The following SLC26A8 variants were observed in gnomAD, a reference collection of about 807,000 sequenced individuals.
SLC26A8 encodes the protein solute carrier family 26 member 8.
In SLC26A8, 70 loss-of-function variants were observed where a neutral mutation model predicts 105.0. The ratio of observed to expected loss-of-function variants is 0.67; its 90% CI spans 0.55 to 0.81. The LOEUF (loss-of-function observed/expected upper bound fraction) is 0.81. Among genes scored for constraint, SLC26A8 ranks in the 40% least tolerant of loss-of-function variants. The probability of loss-of-function intolerance (pLI) is 0.00; values close to 1 mark genes in which losing one functional copy is unlikely to be tolerated. For missense variants in SLC26A8, 998 were observed against 1,181.8 expected (o/e 0.84, Z 2.28); for synonymous variants, 415 against 438.3 (o/e 0.95, Z 0.66).
chr6:36,011,061 G>T (rs146463969), intron 3 of SLC26A8, among the ~76,000 whole-genome samples: 1 of 152,228 alleles, frequency 6.6e-6, no homozygotes, highest in Non-Finnish European at 1.5e-5. Context: ...CTTCAACCCT[G>T]CCTGTTGAGC....
chr6:36,012,395 C>T (rs1482318361), intron 2 of SLC26A8, 23 bp from the exon 3 acceptor site: 3 of 1,549,550 alleles, frequency 1.9e-6, no homozygotes, highest in African/African-American at 2.8e-5. Context: ...GGAGCAGAGA[C>T]TTGGTTAGTT....
Position 35,959,770 on chromosome 6 carries a change from A to G in SLC26A8, c.1675T>C (p.Cys559Arg). ...ACATTTACAAATGTAATTGAGCTGC[A>G]GCACTGGAAGATTTTCACCCCAGGA... ...TIPGVKIFQC[C>R]SSITFVNVYY... Residue 559 changes from cysteine (C) to arginine (R), a missense_variant, in exon 15 of 20, where the codon TGC (cysteine) becomes CGC (arginine). By Grantham distance (180) the Cys-to-Arg change is radical. Coordinates refer to ENST00000490799, the MANE Select transcript of SLC26A8 (RefSeq NM_052961.4). The G allele has an allele frequency of 6.2e-7, 1 of 1,609,434 alleles. No individual in the cohort carries two copies. The highest frequency in any genetic ancestry group is 8.5e-7 in the Non-Finnish European group (1 of 1,179,044).
intron 11 of SLC26A8, among the ~76,000 whole-genome samples, chr6:35,964,966 CAA>C (rs34171959): frequency 1.3e-4 from 16 of 122,836 alleles, no homozygotes; most frequent in Admixed American, 2.6e-4. Flanking sequence ...GACCATGTCT[CAA>C]AAAAAAAAAA....
intron 17 of SLC26A8, among the ~76,000 whole-genome samples, chr6:35,954,336 A>G (rs140965841): frequency 6.6e-6 from 1 of 152,310 alleles, no homozygotes; most frequent in Non-Finnish European, 1.5e-5. Context: ...CAGGTACTGG[A>G]CAGCCAGCCC....
At chr6:35,982,228 A>G in intron 7 of SLC26A8, 25 bp from the exon 8 acceptor site, 2 of 1,555,092 alleles carry the variant, frequency 1.3e-6, no homozygotes, top group Non-Finnish European at 1.8e-6. Context: ...AAAAGAAGGG[A>G]TGGGGGCATA....
intron 19 of SLC26A8, among the ~76,000 whole-genome samples, chr6:35,948,734 T>C (rs1272417253): frequency 6.6e-6 from 1 of 152,242 alleles, no homozygotes; most frequent in Non-Finnish European, 1.5e-5. Flanking sequence ...AAAGAAGGCT[T>C]ATTCAATAGA....
intron 11 of SLC26A8, among the ~76,000 whole-genome samples, chr6:35,966,001 CA>C (rs67198897): frequency 0.41 from 38,945 of 95,678 alleles, 4,784 homozygotes; most frequent in Middle Eastern, 0.46. Flanking sequence ...ACTCTCATCT[CA>C]AAAAAAAAAA....
intron 14 of SLC26A8, 33 bp from the exon 15 acceptor site, chr6:35,959,839 T>G: frequency 6.9e-7 from 1 of 1,441,144 alleles, no homozygotes; most frequent in Non-Finnish European, 9.7e-7. Context: ...GAGGGAAATT[T>G]CTCAGTTATT....
intron 3 of SLC26A8, among the ~76,000 whole-genome samples, chr6:36,000,584 C>T (rs567187267): frequency 6.6e-6 from 1 of 152,316 alleles, no homozygotes; most frequent in South Asian, 2.1e-4. Flanking sequence ...CAGCCTCTTC[C>T]TTCAGCTGCT....
chr6:35,970,120 AACC>A (rs1163951583), intron 10 of SLC26A8, among the ~76,000 whole-genome samples: 1 of 152,140 alleles, frequency 6.6e-6, no homozygotes, highest in East Asian at 1.9e-4. Flanking sequence ...GCAAAATTAT[AACC>A]ACAAATCAGA....
chr6:35,957,807 T>C (rs1772142230), intron 16 of SLC26A8, among the ~76,000 whole-genome samples: 1 of 152,138 alleles, frequency 6.6e-6, no homozygotes, highest in Admixed American at 6.5e-5. Context: ...GGTTTCACCA[T>C]GTTGGCCAGG....
At chr6:35,944,844 C>A (rs1771610672) in intron 19 of SLC26A8, among the ~76,000 whole-genome samples, 1 of 152,052 alleles carries the variant, frequency 6.6e-6, no homozygotes, top group Non-Finnish European at 1.5e-5. Flanking sequence ...ATCTACTTTT[C>A]TGTTTATTAT....
At chr6:36,020,337 T>C (rs1384277015) in intron 1 of SLC26A8, among the ~76,000 whole-genome samples, 1 of 152,224 alleles carries the variant, frequency 6.6e-6, no homozygotes, top group Non-Finnish European at 1.5e-5. Context: ...TAGCAGGCCC[T>C]TAACAAGTGT....
chr6:35,992,431 C>A, intron 6 of SLC26A8, 79 bp downstream of exon 6: 1 of 1,446,286 alleles, frequency 6.9e-7, no homozygotes, highest in Non-Finnish European at 9.4e-7. Context: ...GGGCGGGAGT[C>A]TCCCTACTGA....
In SLC26A8 at chr6:35,944,034, G is replaced by A. The variant is rs564267631; in HGVS notation, c.2779C>T (p.Arg927Cys). The A allele has an allele frequency of 2.2e-5, 36 of 1,614,078 alleles. No individual in the cohort carries two copies. In the South Asian group the frequency reaches 2.4e-4, roughly 11 times the overall value. ...GACGGATGATACATAGGCCAGTAAC[G>A]CTGCTGAGGAAAAGTGTGAGCTCTT... is the stretch of plus-strand genomic sequence containing the variant. Reference protein sequence around the residue: ...RPRAHTFPQQRYWPMYHPSMA... With the variant: ...RPRAHTFPQQCYWPMYHPSMA... Residue 927 changes from arginine (R) to cysteine (C), a missense_variant, in exon 20 of 20, where the codon CGT becomes TGT. Arg to Cys is a radical substitution (Grantham distance 180). Transcript: ENST00000490799.
chr6:35,961,245 G>T, intron 12 of SLC26A8, 146 bp from the exon 13 acceptor site: 1 of 659,022 alleles, frequency 1.5e-6, no homozygotes, highest in Non-Finnish European at 2.6e-6. Context: ...ATGGACTGGT[G>T]CCATGACAAA....
intron 9 of SLC26A8, among the ~76,000 whole-genome samples, chr6:35,976,920 A>G (rs955864500): frequency 6.6e-6 from 1 of 152,152 alleles, no homozygotes; most frequent in Non-Finnish European, 1.5e-5. Context: ...CTTGGTAGAA[A>G]GAAAGCTAAA....
At chr6:35,957,217 C>T (rs562220619) in intron 16 of SLC26A8, among the ~76,000 whole-genome samples, 42 of 152,082 alleles carry the variant, frequency 2.8e-4, no homozygotes, top group African/African-American at 4.8e-4. Context: ...AGTGAAACTC[C>T]GTCTCAAAAT....
At chr6:35,960,769 G>A (rs559212395) in intron 14 of SLC26A8, 74 bp downstream of exon 14, 2 of 1,410,888 alleles carry the variant, frequency 1.4e-6, no homozygotes, top group East Asian at 4.6e-5. Context: ...AAGGGATTTT[G>A]TAGAAAAACT....
Sources: allele counts gnomAD v4.1 joint callset (sites outside exome capture counted in the v4.1 genomes callset), GRCh38; gene constraint gnomAD v4.1.1; transcripts MANE v1.5; gene names NCBI Gene and HGNC (gene_info 2026-07-23, HGNC 2026-07-21).